The following TMBIM1 variants were observed in gnomAD, a reference collection of about 807,000 sequenced individuals.
TMBIM1 encodes the protein protein lifeguard 3.
A neutral mutation model predicts 45.1 loss-of-function variants in TMBIM1; 34 were observed. The ratio of observed to expected loss-of-function variants is 0.75; its 90% CI spans 0.57 to 1.00. TMBIM1 has a LOEUF of 1.00. TMBIM1 is among the 50% of genes least tolerant of loss of function. The pLI, the probability that TMBIM1 is intolerant of heterozygous loss-of-function variation, is 0.00. For synonymous variants in TMBIM1, 157 were observed against 153.5 expected (o/e 1.02, Z -0.17); for missense variants, 374 against 402.4 (o/e 0.93, Z 0.60).
intron 1 of TMBIM1, among the ~76,000 whole-genome samples, chr2:218,282,406 T>G (rs1232402514): frequency 6.6e-6 from 1 of 152,184 alleles, no homozygotes. Flanking sequence ...GGCCTCTCAC[T>G]GTGCAGCTCC....
chr2:218,275,650 A>G, intron 11 of TMBIM1, 29 bp from the exon 12 acceptor site: 1 of 1,598,456 alleles, frequency 6.3e-7, no homozygotes, highest in Non-Finnish European at 8.5e-7. Flanking sequence ...CAGAAGTGAG[A>G]ACTCAGGCAT....
At chr2:218,279,015 A>G (rs1449181204) in intron 5 of TMBIM1, 23 bp downstream of exon 5, 3 of 1,613,810 alleles carry the variant, frequency 1.9e-6, no homozygotes, top group Non-Finnish European at 1.7e-6. Flanking sequence ...TCCCTGCCCA[A>G]CCACAGAGGA....
chr2:218,281,261 G>C (rs1349064304), intron 2 of TMBIM1, among the ~76,000 whole-genome samples: 2 of 150,666 alleles, frequency 1.3e-5, no homozygotes, highest in African/African-American at 4.9e-5. Context: ...TCAGCCTCCT[G>C]AGTAGCTGGG....
intron 11 of TMBIM1, 77 bp from the exon 12 acceptor site, chr2:218,275,698 T>C (rs1691126966): frequency 1.3e-6 from 2 of 1,544,992 alleles, no homozygotes; most frequent in Non-Finnish European, 8.7e-7. Flanking sequence ...CAGATTTGTC[T>C]TGGGGGCCTA....
At chr2:218,291,056 G>A (rs982093517) in intron 1 of TMBIM1, among the ~76,000 whole-genome samples, 1 of 152,202 alleles carries the variant, frequency 6.6e-6, no homozygotes, top group Non-Finnish European at 1.5e-5. Flanking sequence ...GAGGTGCTCT[G>A]AGGTAGACAG....
At chr2:218,278,221 C>T in intron 6 of TMBIM1, 1 of 605,346 alleles carries the variant, frequency 1.7e-6, no homozygotes, top group Non-Finnish European at 2.9e-6. Context: ...AACTGACTGC[C>T]TGTGTGATGG....
chr2:218,275,436 G>A lies in TMBIM1; in HGVS notation c.*39C>T, dbSNP rs74675992. The A allele has an allele frequency of 7.5e-6, 12 of 1,592,406 alleles. No individual in the cohort carries two copies. The highest frequency in any genetic ancestry group is 1.0e-5 in the Non-Finnish European group (12 of 1,169,104). ...TAGGGCCCAGCCCTCTAGCTTGGAA[G>A]GGAGAGCCCAGGATCGGGTGAAAAT... is the stretch of plus-strand genomic sequence containing the variant. On this transcript the variant is annotated 3_prime_UTR_variant, in exon 12 of 12. Coordinates refer to ENST00000258412, the MANE Select transcript of TMBIM1 (RefSeq NM_022152.6).
chr2:218,292,402 A>C (rs1692994339), intron 1 of TMBIM1, 64 bp downstream of exon 1: 1 of 152,218 alleles, frequency 6.6e-6, no homozygotes, highest in Admixed American at 6.5e-5. Context: ...TGGCCGCCCC[A>C]GCCCTGGACC....
rs1320305055 is a variant in TMBIM1 at position 218,279,307 on chromosome 2, A to G, written c.350T>C (p.Ile117Thr). The G allele has an allele frequency of 3.1e-6, 5 of 1,588,682 alleles. No homozygotes were observed. Among genetic ancestry groups the G allele is most frequent in the South Asian group, 1.1e-5 (1 of 87,348 alleles). Reference sequence around the variant, plus strand: ...GACTTACACAAAGGTGAAGATAGCAATGATGGCCACAGTGATGAGCAGCTG... The same window carrying G: ...GACTTACACAAAGGTGAAGATAGCAGTGATGGCCACAGTGATGAGCAGCTG... ...SVQLLITVAI[I>T]AIFTFVEPVS... Residue 117 changes from isoleucine to threonine, a missense_variant, in exon 4 of 12, where the codon ATT becomes ACT. Ile to Thr is a moderately conservative substitution (Grantham distance 89). Coordinates refer to ENST00000258412, the MANE Select transcript of TMBIM1 (RefSeq NM_022152.6).
chr2:218,291,471 T>C (rs977162562), intron 1 of TMBIM1, among the ~76,000 whole-genome samples: 1 of 152,190 alleles, frequency 6.6e-6, no homozygotes, highest in Non-Finnish European at 1.5e-5. Context: ...CCCAGAGAAC[T>C]GGACACCTGA....
At position 218,277,955 on chromosome 2, in the gene TMBIM1, T is replaced by C; in HGVS notation, c.493A>G (p.Ile165Val). 1.9e-6 allele frequency: 3 copies of C among 1,614,194 alleles called. No homozygotes were observed. The highest frequency in any genetic ancestry group is 2.5e-6 in the Non-Finnish European group (3 of 1,180,036). ...CTTACAAAAAGGGTCAGCAGAATGA[T>C]GTTCCATGGGAAACGGCGTCTGAAG... ...QGPRRRFPWN[I>V]ILLTLFTFAM... Residue 165 changes from isoleucine (I) to valine (V), a missense_variant, in exon 7 of 12, where the codon ATC becomes GTC. Ile to Val is a conservative substitution (Grantham distance 29). Transcript: ENST00000258412.
At chr2:218,280,595 C>T (rs906197504) in intron 2 of TMBIM1, 23 of 214,512 alleles carry the variant, frequency 1.1e-4, no homozygotes, top group African/African-American at 2.8e-4. Context: ...AAAGGGTGTG[C>T]GTGACTGTGC....
Position 218,279,577 on chromosome 2 carries a change from G to A in TMBIM1, c.304-224C>T, listed in dbSNP as rs752884720. 13 of 517,580 alleles carry A rather than the reference G, an allele frequency of 2.5e-5. 1 individual carries two copies. In the South Asian group the frequency reaches 2.7e-4, roughly 11 times the overall value. The allele number at this position is 517,580 out of a possible 1,614,324, so 32.1% of individuals were successfully genotyped here. On this transcript the variant is annotated intron_variant, in intron 3 of 11. Coordinates refer to ENST00000258412, the MANE Select transcript of TMBIM1 (RefSeq NM_022152.6). Reference sequence around the variant, plus strand: ...TCCCCTCCTGTCCAACACCAGCCTCGGTGACTACTGACTTGCCCTGCCTGG... The same window carrying A: ...TCCCCTCCTGTCCAACACCAGCCTCAGTGACTACTGACTTGCCCTGCCTGG...
intron 6 of TMBIM1, 91 bp downstream of exon 6, chr2:218,278,424 G>A: frequency 7.7e-7 from 1 of 1,293,390 alleles, no homozygotes; most frequent in Non-Finnish European, 1.1e-6. Flanking sequence ...TTTCCATTCA[G>A]CTGCTATAAA....
At chr2:218,288,166 C>A (rs7577185) in intron 1 of TMBIM1, among the ~76,000 whole-genome samples, 1 of 152,148 alleles carries the variant, frequency 6.6e-6, no homozygotes, top group African/African-American at 2.4e-5. Flanking sequence ...TGGCGGCTCA[C>A]GCCTGTAATC....
intron 1 of TMBIM1, among the ~76,000 whole-genome samples, chr2:218,283,046 CTG>C (rs1436305883): frequency 6.6e-6 from 1 of 152,190 alleles, no homozygotes; most frequent in Non-Finnish European, 1.5e-5. Flanking sequence ...CCCAGGCTCT[CTG>C]TGAGTTCTAC....
In TMBIM1 at chr2:218,279,537, A is replaced by G. The variant is rs1170092913; in HGVS notation, c.304-184T>C. The G allele has an allele frequency of 2.0e-5, 11 of 537,712 alleles. No individual in the cohort carries two copies. In the East Asian group the frequency reaches 3.1e-4, roughly 15 times the overall value. 33.3% of individuals were successfully genotyped at this position (537,712 alleles called of 1,614,324 possible). A position where few individuals can be genotyped will look rare whatever the true frequency, so the allele number is the denominator to read the frequency against. On this transcript the variant is annotated intron_variant, in intron 3 of 11. Transcript: ENST00000258412. ...GCACTTCTTCCTCAGCCCCGCTCCC[A>G]TGCTCCCTGCCATCTCCCCTCCTGT...
chr2:218,278,399 C>T, intron 6 of TMBIM1, 116 bp downstream of exon 6: 1 of 1,099,528 alleles, frequency 9.1e-7, no homozygotes, highest in Non-Finnish European at 1.4e-6. Flanking sequence ...CATCCTCCTC[C>T]TCATTTCTTG....
chr2:218,278,214 T>G, intron 6 of TMBIM1: 1 of 606,114 alleles, frequency 1.6e-6, no homozygotes, highest in East Asian at 2.8e-5. Context: ...ACTCTTAAAC[T>G]GACTGCCTGT....
Sources: gnomAD v4.1 joint callset for allele counts (sites outside exome capture counted in the v4.1 genomes callset) on GRCh38, gnomAD v4.1.1 for gene constraint, MANE v1.5 for transcripts, NCBI Gene and HGNC (gene_info 2026-07-23, HGNC 2026-07-21) for gene names.